CHURC1: variants seen among roughly 807,000 people sequenced by gnomAD.
CHURC1 encodes the protein protein Churchill.
A neutral mutation model predicts 15.4 loss-of-function variants in CHURC1; 12 were observed. The observed-to-expected ratio is 0.78, with a 90% CI of 0.50 to 1.27. The LOEUF (loss-of-function observed/expected upper bound fraction) is 1.27. Among genes scored for constraint, CHURC1 ranks in the 50% most tolerant of loss-of-function variants. The pLI is 0.00. For missense variants in CHURC1, 132 were observed against 137.8 expected, an observed-to-expected ratio of 0.96 and a Z score of 0.21; for synonymous variants, 42 against 47.5, an observed-to-expected ratio of 0.88 and a Z score of 0.48.
chr14:64,933,341 G>GT lies in CHURC1; in HGVS notation c.*1112dup, dbSNP rs1390555018. 1 of 979,836 alleles carries GT rather than the reference G, an allele frequency of 1.0e-6. No homozygotes were observed. The highest frequency in any genetic ancestry group is 1.1e-4 in the East Asian group (1 of 8,806). The allele number at this position is 979,836 out of a possible 1,614,324, so 60.7% of individuals were successfully genotyped here. A position where few individuals can be genotyped will look rare whatever the true frequency, so the allele number is the denominator to read the frequency against. ...TAGAAACTAGGGAAATCTGAATACAGTGTGGACTTCAGTTAATATAAATGA... is the reference window on the plus strand; with the variant it reads ...TAGAAACTAGGGAAATCTGAATACAGTTGTGGACTTCAGTTAATATAAATGA... On this transcript the variant is annotated 3_prime_UTR_variant, in exon 4 of 4. Transcript: ENST00000549115.
intron 1 of CHURC1, among the ~76,000 whole-genome samples, chr14:64,914,784 C>T (rs1883743903): frequency 6.6e-6 from 1 of 152,232 alleles, no homozygotes; most frequent in Admixed American, 6.5e-5. Context: ...AGGAACCCCA[C>T]CACCACCACA....
chr14:64,917,975 T>C (rs17102320), intron 1 of CHURC1, among the ~76,000 whole-genome samples: 30,400 of 152,128 alleles, frequency 0.2, 4,936 homozygotes, highest in East Asian at 0.58. Flanking sequence ...GACTGCAGTT[T>C]GGGTACAACT....
At position 64,934,964 on chromosome 14, in the gene CHURC1, G is replaced by T; in HGVS notation, c.*2734G>T. 1 of 984,178 alleles carries T rather than the reference G, an allele frequency of 1.0e-6. No homozygotes were observed. Among genetic ancestry groups the T allele is most frequent in the African/African-American group, 1.7e-5 (1 of 57,292 alleles). The allele number at this position is 984,178 out of a possible 1,614,324, so 61.0% of individuals were successfully genotyped here. A position where few individuals can be genotyped will look rare whatever the true frequency, so the allele number is the denominator to read the frequency against. On this transcript the variant is annotated 3_prime_UTR_variant, in exon 4 of 4. Coordinates refer to ENST00000549115, the MANE Select transcript of CHURC1 (RefSeq NM_001386928.1). ...ATTTTATCATTTTCTAGATTCTTAT[G>T]TGGATCTAATAACGACCACTTGAAC... is the stretch of plus-strand genomic sequence containing the variant.
intron 3 of CHURC1, among the ~76,000 whole-genome samples, chr14:64,931,788 A>G (rs1485950663): frequency 6.6e-6 from 1 of 152,208 alleles, no homozygotes; most frequent in Admixed American, 6.5e-5. Flanking sequence ...TCTGTTGTGT[A>G]TTAGTGTTAA....
rs188123583 is a variant in CHURC1, at chr14:64,924,205, C to G, written c.175+79C>G. 9.6e-6 allele frequency: 14 copies of G among 1,452,162 alleles called. No homozygotes were observed. The Middle Eastern group carries it at 5.7e-4, about 59-fold the overall frequency. 90.0% of individuals were successfully genotyped at this position (1,452,162 alleles called of 1,614,324 possible). A position where few individuals can be genotyped will look rare whatever the true frequency, so the allele number is the denominator to read the frequency against. ...AAGTCGATATGTTACACAAAATATTCTGAGGCCTATTTCAATATTGTATTG... is the reference window on the plus strand; with the variant it reads ...AAGTCGATATGTTACACAAAATATTGTGAGGCCTATTTCAATATTGTATTG... On this transcript the variant is annotated intron_variant, in intron 2 of 3. Transcript: ENST00000549115.
chr14:64,934,699 A>G lies in CHURC1; in HGVS notation c.*2469A>G, dbSNP rs746110812. The G allele has an allele frequency of 1.6e-5, 16 of 985,442 alleles. No homozygotes were observed. The highest frequency in any genetic ancestry group is 1.8e-5 in the Non-Finnish European group (15 of 829,928). The allele number at this position is 985,442 out of a possible 1,614,324, so 61.0% of individuals were successfully genotyped here. On this transcript the variant is annotated 3_prime_UTR_variant, in exon 4 of 4. Transcript: ENST00000549115. Reference sequence around the variant, plus strand: ...CAGAGAAAATGCTTCATTACTTTAAATAGCAGCATTAAGCCCATTATAGCC... The same window carrying G: ...CAGAGAAAATGCTTCATTACTTTAAGTAGCAGCATTAAGCCCATTATAGCC...
At position 64,933,725 on chromosome 14, in the gene CHURC1, A is replaced by T. The variant is rs997826173; in HGVS notation, c.*1495A>T. Reference sequence around the variant, plus strand: ...ATTAGAAACAAAAGTGTTTCTTCATATCTAGGAGATTTGGAAATTCTGAAC... The same window carrying T: ...ATTAGAAACAAAAGTGTTTCTTCATTTCTAGGAGATTTGGAAATTCTGAAC... On this transcript the variant is annotated 3_prime_UTR_variant, in exon 4 of 4. Coordinates refer to ENST00000549115, the MANE Select transcript of CHURC1 (RefSeq NM_001386928.1). 1.2e-5 allele frequency: 12 copies of T among 985,482 alleles called. No individual in the cohort carries two copies. The highest frequency in any genetic ancestry group is 1.4e-5 in the Non-Finnish European group (12 of 829,938). 61.0% of individuals were successfully genotyped at this position (985,482 alleles called of 1,614,324 possible). A position where few individuals can be genotyped will look rare whatever the true frequency, so the allele number is the denominator to read the frequency against.
At chr14:64,917,419 T>A (rs952405895) in intron 1 of CHURC1, among the ~76,000 whole-genome samples, 8 of 151,978 alleles carry the variant, frequency 5.3e-5, no homozygotes, top group African/African-American at 1.9e-4. Context: ...AAAAATTAGC[T>A]GGGTGTGGTG....
rs1167007911 is a variant in CHURC1, at chr14:64,932,664, T to G, written c.*434T>G. On this transcript the variant is annotated 3_prime_UTR_variant, in exon 4 of 4. Coordinates refer to ENST00000549115, the MANE Select transcript of CHURC1 (RefSeq NM_001386928.1). Reference sequence around the variant, plus strand: ...ATTAAAAAAAAAAAATCATAGTGATTGGGAGTATGTCAGCATGATCGAACT... The same window carrying G: ...ATTAAAAAAAAAAAATCATAGTGATGGGGAGTATGTCAGCATGATCGAACT... 3 of 166,926 alleles carry G rather than the reference T, an allele frequency of 1.8e-5. No individual in the cohort carries two copies. Among genetic ancestry groups the G allele is most frequent in the Non-Finnish European group, 3.7e-5 (3 of 81,400 alleles). The allele number at this position is 166,926 out of a possible 1,614,324, so 10.3% of individuals were successfully genotyped here. A position where few individuals can be genotyped will look rare whatever the true frequency, so the allele number is the denominator to read the frequency against.
At chr14:64,930,277 G>A (rs1594904822) in intron 3 of CHURC1, among the ~76,000 whole-genome samples, 1 of 152,116 alleles carries the variant, frequency 6.6e-6, no homozygotes, top group African/African-American at 2.4e-5. Flanking sequence ...TTTGATAAAA[G>A]GTGTCCTAAT....
rs1323915580 is a variant in CHURC1 at position 64,933,179 on chromosome 14, C to CT, written c.*950dup. On this transcript the variant is annotated 3_prime_UTR_variant, in exon 4 of 4. Coordinates refer to ENST00000549115, the MANE Select transcript of CHURC1 (RefSeq NM_001386928.1). ...AATACCTAACCAGTACTTCTCAAAA[C>CT]TATCAAGGCCATAAAAAACAAGGAA... is the stretch of plus-strand genomic sequence containing the variant. 3 of 163,096 alleles carry CT rather than the reference C, an allele frequency of 1.8e-5. No homozygotes were observed. The highest frequency in any genetic ancestry group is 7.2e-5 in the African/African-American group (3 of 41,700). The allele number at this position is 163,096 out of a possible 1,614,324, so 10.1% of individuals were successfully genotyped here. A position where few individuals can be genotyped will look rare whatever the true frequency, so the allele number is the denominator to read the frequency against.
chr14:64,930,876 A>T (rs1250548913), intron 3 of CHURC1: 1 of 453,946 alleles, frequency 2.2e-6, no homozygotes, highest in Admixed American at 2.4e-5. Context: ...CTTGAAGAGG[A>T]TGTATTTTTA....
chr14:64,930,667 A>G (rs1885031157), intron 3 of CHURC1: 1 of 346,220 alleles, frequency 2.9e-6, no homozygotes, highest in Non-Finnish European at 5.6e-6. Context: ...CTGCCAGCAC[A>G]TTGCAGAGCA....
At chr14:64,924,296 T>G (rs1884529319) in intron 2 of CHURC1, 170 bp downstream of exon 2, 1 of 717,352 alleles carries the variant, frequency 1.4e-6, no homozygotes, top group East Asian at 3.5e-5. Flanking sequence ...ATCTGGGATA[T>G]CAAATAGTCT....
intron 1 of CHURC1, among the ~76,000 whole-genome samples, chr14:64,916,417 TC>T (rs1358785579): frequency 6.6e-5 from 10 of 152,214 alleles, no homozygotes; most frequent in African/African-American, 2.4e-4. Context: ...CATTTCTTGT[TC>T]GCTACATTTA....
Position 64,934,064 on chromosome 14 carries a change from C to A in CHURC1, c.*1834C>A. On this transcript the variant is annotated 3_prime_UTR_variant, in exon 4 of 4. Transcript: ENST00000549115. ...GGCACAAAGAAGTTAAATAACTTGCCGGGTGCGGTGGCTCACCCCTGTAAT... is the reference window on the plus strand; with the variant it reads ...GGCACAAAGAAGTTAAATAACTTGCAGGGTGCGGTGGCTCACCCCTGTAAT... 7.2e-6 allele frequency: 7 copies of A among 971,710 alleles called. No individual in the cohort carries two copies. Among genetic ancestry groups the A allele is most frequent in the Non-Finnish European group, 8.5e-6 (7 of 826,736 alleles). The allele number at this position is 971,710 out of a possible 1,614,324, so 60.2% of individuals were successfully genotyped here.
At position 64,934,051 on chromosome 14, in the gene CHURC1, T is replaced by A; in HGVS notation, c.*1821T>A. 1.0e-6 allele frequency: 1 copy of A among 977,168 alleles called. No individual in the cohort carries two copies. Among genetic ancestry groups the A allele is most frequent in the Non-Finnish European group, 1.2e-6 (1 of 828,306 alleles). The allele number at this position is 977,168 out of a possible 1,614,324, so 60.5% of individuals were successfully genotyped here. On this transcript the variant is annotated 3_prime_UTR_variant, in exon 4 of 4. Transcript: ENST00000549115. ...CCAAAAAAACTCAGGCACAAAGAAG[T>A]TAAATAACTTGCCGGGTGCGGTGGC...
At chr14:64,921,737 T>G (rs546215127) in intron 1 of CHURC1, among the ~76,000 whole-genome samples, 1 of 152,354 alleles carries the variant, frequency 6.6e-6, no homozygotes, top group East Asian at 1.9e-4. Context: ...GGCAGTTTCT[T>G]GTAAAGTTAA....
intron 3 of CHURC1, 26 bp downstream of exon 3, chr14:64,926,106 T>C: frequency 6.7e-7 from 1 of 1,502,892 alleles, no homozygotes; most frequent in African/African-American, 1.4e-5. Context: ...GGTATAAATA[T>C]AAATATGGGG....
Sources: gnomAD v4.1 joint callset for allele counts (sites outside exome capture counted in the v4.1 genomes callset) on GRCh38, gnomAD v4.1.1 for gene constraint, MANE v1.5 for transcripts, NCBI Gene and HGNC (gene_info 2026-07-23, HGNC 2026-07-21) for gene names.